Variants in EXPH5 observed in about 807,000 individuals in gnomAD.
EXPH5 encodes exophilin-5.
EXPH5 carries 42 observed loss-of-function variants against 41.1 expected under a neutral mutation model. The observed-to-expected ratio is 1.02, with a 90% CI of 0.80 to 1.32. The LOEUF (loss-of-function observed/expected upper bound fraction) is 1.32, where lower values mean the gene tolerates loss of function less well. Ranked by LOEUF, EXPH5 falls within the 40% of genes most tolerant of loss-of-function variation. The probability of loss-of-function intolerance (pLI) is 0.00; values close to 1 mark genes in which losing one functional copy is unlikely to be tolerated. For missense variants in EXPH5, 2,298 were observed against 2,314.5 expected, an observed-to-expected ratio of 0.99 and a Z score of 0.15; for synonymous variants, 798 against 833.5, an observed-to-expected ratio of 0.96 and a Z score of 0.73.
rs369399679 is a variant in EXPH5 at position 108,552,483 on chromosome 11, GC to G, written c.120-10672del. On this transcript the variant is annotated intron_variant, in intron 1 of 5. Coordinates refer to ENST00000265843, the MANE Select transcript of EXPH5 (RefSeq NM_015065.3). ...AGCAACAACAACAGTAACAGCAACA[GC>G]CCTTTAGGACTCAAAGAGAGGCAAC... Among the ~76,000 whole-genome samples the G allele has an allele frequency of 3.9e-5, 6 of 152,296 alleles. No homozygotes were observed. The East Asian group carries it at 9.7e-4, about 25-fold the overall frequency.
At chr11:108,605,885 T>G in the EXPH5 span, among the ~76,000 whole-genome samples, 6 of 152,374 alleles carry the variant, frequency 3.9e-5, no homozygotes, top group East Asian at 1.2e-3. Flanking sequence ...GCCTCTGCGC[T>G]GGCCTCCAGC....
upstream of EXPH5, among the ~76,000 whole-genome samples, chr11:108,595,203 C>G (rs1479615249): frequency 6.6e-6 from 1 of 152,228 alleles, no homozygotes; most frequent in Admixed American, 6.5e-5. Flanking sequence ...GTGAACAACA[C>G]AGTCCTTGTC....
In EXPH5 at chr11:108,511,749, T is replaced by C. The variant is rs1233196379; in HGVS notation, c.3758A>G (p.Tyr1253Cys). 7 of 1,612,392 alleles carry C rather than the reference T, an allele frequency of 4.3e-6. No individual in the cohort carries two copies. Among genetic ancestry groups the C allele is most frequent in the African/African-American group, 1.3e-5 (1 of 74,912 alleles). Residue 1253 changes from tyrosine to cysteine, a missense_variant, in exon 6 of 6, where the codon TAT becomes TGT. Tyr to Cys is a radical substitution (Grantham distance 194). Transcript: ENST00000265843. ...GCTGGGTTTCCTCGGTAGAGTGTAATATATTGAGACCACCTCCAGACATTT... is the reference window on the plus strand; with the variant it reads ...GCTGGGTTTCCTCGGTAGAGTGTAACATATTGAGACCACCTCCAGACATTT... Reference protein sequence around the residue: ...NVKCLEVVSIYYTLPRKPSKK... With the variant: ...NVKCLEVVSICYTLPRKPSKK...
chr11:108,510,304 T>C lies in EXPH5; in HGVS notation c.5203A>G (p.Ile1735Val), dbSNP rs35717245. ...GCTTCCCTGAGGCTGGTGAATGTGA[T>C]GGGTGATGGGGCTCCTGATTCTCTT... ...LVRESGAPSP[I>V]TFTSLREAEF... Residue 1735 changes from isoleucine to valine, a missense_variant, in exon 6 of 6, where the codon ATC (isoleucine) becomes GTC (valine). Transcript: ENST00000265843. 16 of 1,614,038 alleles carry C rather than the reference T, an allele frequency of 9.9e-6. No individual in the cohort carries two copies. The highest frequency in any genetic ancestry group is 1.3e-5 in the African/African-American group (1 of 74,904).
chr11:108,545,654 A>G lies in EXPH5; in HGVS notation c.120-3842T>C, dbSNP rs78389628. Among the ~76,000 whole-genome samples, 1,080 of 152,236 alleles carry G rather than the reference A, an allele frequency of 7.1e-3. 4 individuals are homozygous for G. The highest frequency in any genetic ancestry group is 0.01 in the Non-Finnish European group (692 of 68,010). On this transcript the variant is annotated intron_variant, in intron 1 of 5. Transcript: ENST00000265843. ...TGTGGTTGCTCTTGTCTGTAATCCC[A>G]GTGCTTTGGGAAGCAAGGTGGGAGG...
In EXPH5 at chr11:108,593,531, C is replaced by G; in HGVS notation, c.6G>C (p.Thr2=). The G allele has an allele frequency of 6.2e-7, 1 of 1,614,108 alleles. No homozygotes were observed. Among genetic ancestry groups the G allele is most frequent in the Non-Finnish European group, 8.5e-7 (1 of 1,180,000 alleles). Residue 2 remains threonine (T), a synonymous_variant, in exon 1 of 6, where the codon ACG becomes ACC. Coordinates refer to ENST00000265843, the MANE Select transcript of EXPH5 (RefSeq NM_015065.3). The part of the protein sequence containing the change: M[T]KVPPAFDFSF... ...TGAAATCAAACGCCGGAGGAACTTT[C>G]GTCATTTTCTTTACTGTGTGTGAGT...
At chr11:108,538,196 C>T (rs180906162) in intron 3 of EXPH5, 159 of 985,522 alleles carry the variant, frequency 1.6e-4, no homozygotes, top group Non-Finnish European at 4.6e-5. Flanking sequence ...TGACCTCCAA[C>T]ACCTTTTATT....
chr11:108,532,520 T>C (rs2093850297), intron 3 of EXPH5, among the ~76,000 whole-genome samples: 1 of 150,554 alleles, frequency 6.6e-6, no homozygotes, highest in Admixed American at 6.6e-5. Flanking sequence ...TGATCTGGGA[T>C]TTTTACTTGT....
chr11:108,518,985 C>A (rs1187293395), intron 4 of EXPH5, among the ~76,000 whole-genome samples: 1 of 152,164 alleles, frequency 6.6e-6, no homozygotes, highest in Non-Finnish European at 1.5e-5. Context: ...GCATGAATAA[C>A]CCACCCCTTG....
intron 1 of EXPH5, among the ~76,000 whole-genome samples, chr11:108,565,559 T>C (rs2094030978): frequency 6.6e-6 from 1 of 152,160 alleles, no homozygotes; most frequent in African/African-American, 2.4e-5. Flanking sequence ...TCATAGACAC[T>C]CTCTGTCACT....
In EXPH5 at chr11:108,513,853, GC is replaced by G; in HGVS notation, c.1653del (p.Trp551CysfsTer23). 6.4e-7 allele frequency: 1 copy of G among 1,565,732 alleles called. No individual in the cohort carries two copies. Among genetic ancestry groups the G allele is most frequent in the Non-Finnish European group, 8.7e-7 (1 of 1,155,042 alleles). On this transcript the variant is annotated frameshift_variant, in exon 6 of 6. Coordinates refer to ENST00000265843, the MANE Select transcript of EXPH5 (RefSeq NM_015065.3). LOFTEE classifies it low-confidence loss of function (END_TRUNC). The stretch of plus-strand genomic sequence containing the variant: ...AGTGTGGATCTCTGAAAATCAAACT[GC>G]CAAGGATGTGGCTCTTCTTGGCCTC... ...VSRGQEEPHP[W>X]QFDFQRSTLD...
chr11:108,567,429 G>C (rs964616329), intron 1 of EXPH5, among the ~76,000 whole-genome samples: 1 of 152,140 alleles, frequency 6.6e-6, no homozygotes, highest in African/African-American at 2.4e-5. Flanking sequence ...CCTCTATGAA[G>C]TTTTGCCTAA....
intron 1 of EXPH5, among the ~76,000 whole-genome samples, chr11:108,550,864 G>A (rs1291644659): frequency 3.3e-5 from 5 of 152,084 alleles, no homozygotes; most frequent in African/African-American, 4.8e-5. Flanking sequence ...CATGGATACA[G>A]ATGAGGTTAT....
At chr11:108,564,999 G>A (rs1165760946) in intron 1 of EXPH5, among the ~76,000 whole-genome samples, 2 of 145,476 alleles carry the variant, frequency 1.4e-5, no homozygotes, top group Non-Finnish European at 3.0e-5. Flanking sequence ...TCCGCCTCCC[G>A]GGTTGAAGCT....
chr11:108,604,119 C>A, the EXPH5 span, among the ~76,000 whole-genome samples: 1 of 149,692 alleles, frequency 6.7e-6, no homozygotes, highest in Non-Finnish European at 1.5e-5. Flanking sequence ...CTGAATAGGC[C>A]GGGTGCAGAG....
chr11:108,567,534 A>G (rs191566864), intron 1 of EXPH5, among the ~76,000 whole-genome samples: 1 of 152,234 alleles, frequency 6.6e-6, no homozygotes, highest in East Asian at 1.9e-4. Flanking sequence ...GTAGCCTTAT[A>G]TTCTTGTTTG....
At chr11:108,528,323 C>T (rs959223335) in intron 3 of EXPH5, 139 bp from the exon 4 acceptor site, 19 of 594,952 alleles carry the variant, frequency 3.2e-5, no homozygotes, top group Middle Eastern at 2.6e-4. Flanking sequence ...GATGTTTCTT[C>T]GTTAGTGCAT....
chr11:108,579,440 T>C (rs532904693), intron 1 of EXPH5, among the ~76,000 whole-genome samples: 61 of 152,226 alleles, frequency 4.0e-4, no homozygotes, highest in African/African-American at 1.3e-3. Context: ...TTTGCATTGA[T>C]GTTTATTAGT....
chr11:108,592,383 G>A (rs995507414), intron 1 of EXPH5, among the ~76,000 whole-genome samples: 2 of 152,130 alleles, frequency 1.3e-5, no homozygotes, highest in Non-Finnish European at 1.5e-5. Context: ...TTTGTCGGCG[G>A]TGGGGGACAG....
Sources: gnomAD v4.1 joint callset for allele counts (sites outside exome capture counted in the v4.1 genomes callset) on GRCh38, gnomAD v4.1.1 for gene constraint, MANE v1.5 for transcripts, NCBI Gene and HGNC (gene_info 2026-07-23, HGNC 2026-07-21) for gene names.